The following FLT3 variants were observed in gnomAD, a reference collection of about 807,000 sequenced individuals.
FLT3 encodes the protein fms related receptor tyrosine kinase 3.
Under a neutral mutation model 126.6 loss-of-function variants are expected in FLT3, and 46 were observed. The observed-to-expected ratio is 0.36, with a 90% CI of 0.29 to 0.46. The LOEUF (loss-of-function observed/expected upper bound fraction) is 0.46, where lower values mean the gene tolerates loss of function less well. Among genes scored for constraint, FLT3 ranks in the 20% least tolerant of loss-of-function variants. The pLI is 1.00. For synonymous variants in FLT3, 404 were observed against 434.4 expected (o/e 0.93, Z 0.87); for missense variants, 1,069 against 1,190.3 (o/e 0.90, Z 1.50).
intron 1 of FLT3, among the ~76,000 whole-genome samples, chr13:28,082,747 A>G (rs892417927): frequency 3.3e-5 from 5 of 151,936 alleles, no homozygotes; most frequent in African/African-American, 1.2e-4. Context: ...TCTGTCGCCC[A>G]GGCTGGAGTG....
chr13:28,043,195 T>A lies in FLT3; in HGVS notation c.1205+5080A>T, dbSNP rs868118457. Among the ~76,000 whole-genome samples, 1,501 of 152,288 alleles carry A rather than the reference T, an allele frequency of 9.9e-3. 24 individuals are homozygous for A. The highest frequency in any genetic ancestry group is 0.032 in the African/African-American group (1,346 of 41,572). Reference sequence around the variant, plus strand: ...TAATTACAACAGTCCTATTCCTTTTTTTTTTTCCCATAAAAGTGGAAAAAG... The same window carrying A: ...TAATTACAACAGTCCTATTCCTTTTATTTTTTCCCATAAAAGTGGAAAAAG... On this transcript the variant is annotated intron_variant, in intron 9 of 23. Transcript: ENST00000241453.
intron 19 of FLT3, among the ~76,000 whole-genome samples, chr13:28,021,664 T>G (rs1453261033): frequency 6.6e-6 from 1 of 152,186 alleles, no homozygotes; most frequent in Non-Finnish European, 1.5e-5. Flanking sequence ...CATTGCAGCC[T>G]GGAACTCTTG....
rs766824698 is a variant in FLT3 at position 28,023,437 on chromosome 13, C to CTCT, written c.2328_2330dup (p.Glu778dup). 1 of 1,613,792 alleles carries CTCT rather than the reference C, an allele frequency of 6.2e-7. No homozygotes were observed. The highest frequency in any genetic ancestry group is 1.3e-5 in the African/African-American group (1 of 74,938). On this transcript the variant is annotated inframe_insertion, in exon 19 of 24. Transcript: ENST00000241453. ...CAAATGTAAGCACATTCAAGTCCTCCTCTTCTTCCAGCCTTTTTTGGTTTT... is the reference window on the plus strand; with the variant it reads ...CAAATGTAAGCACATTCAAGTCCTCCTCTTCTTCTTCCAGCCTTTTTTGGTTTT...
At chr13:28,041,380 G>GA (rs1409215250) in intron 9 of FLT3, among the ~76,000 whole-genome samples, 2 of 152,158 alleles carry the variant, frequency 1.3e-5, no homozygotes, top group Non-Finnish European at 2.9e-5. Flanking sequence ...CAATTCAGTG[G>GA]AAAAAGAAAT....
chr13:28,022,592 A>C (rs1251953515), intron 19 of FLT3, among the ~76,000 whole-genome samples: 1 of 152,128 alleles, frequency 6.6e-6, no homozygotes, highest in Non-Finnish European at 1.5e-5. Context: ...GAGAAGAGGC[A>C]AGGGGAAGGA....
At chr13:28,073,018 C>A (rs1248200318) in intron 1 of FLT3, among the ~76,000 whole-genome samples, 9 of 149,022 alleles carry the variant, frequency 6.0e-5, no homozygotes, top group Non-Finnish European at 1.3e-4. Context: ...AAAAAAAAAA[C>A]AACAACAACA....
At chr13:28,077,447 C>T (rs920370813) in intron 1 of FLT3, among the ~76,000 whole-genome samples, 16 of 152,090 alleles carry the variant, frequency 1.1e-4, no homozygotes, top group African/African-American at 1.7e-4. Context: ...CATCAGATCT[C>T]GTGAGACTTA....
rs747273765 is a variant in FLT3 at position 28,048,396 on chromosome 13, C to A, written c.1084G>T (p.Asp362Tyr). 1.9e-6 allele frequency: 3 copies of A among 1,611,194 alleles called. No individual in the cohort carries two copies. The highest frequency in any genetic ancestry group is 1.7e-5 in the Admixed American group (1 of 59,984). Residue 362 changes from aspartate to tyrosine, a missense_variant, in exon 9 of 24, where the codon GAC (aspartate) becomes TAC (tyrosine). By Grantham distance (160) the Asp-to-Tyr change is radical (BLOSUM62 -3). Transcript: ENST00000241453. ...ATNSSEDYEI[D>Y]QYEEFCFSVR... ...GAAAAACAAAACTCTTCATATTGGT[C>A]AATTTCATAATCTTCACTTGAATTG...
Position 28,050,228 on chromosome 13 carries a change from A to T in FLT3, c.615-6T>A. 6.2e-7 allele frequency: 1 copy of T among 1,613,648 alleles called. No individual in the cohort carries two copies. Among genetic ancestry groups the T allele is most frequent in the African/African-American group, 1.3e-5 (1 of 75,020 alleles). ...CTGGACTTTCTTCTTTACAGCTGCA[A>T]TTAGAAAAGAAGTACCATTTGGCTA... is the stretch of plus-strand genomic sequence containing the variant. On this transcript the variant is annotated splice_region_variant and splice_polypyrimidine_tract_variant and intron_variant, in intron 5 of 23. Transcript: ENST00000241453.
At chr13:28,093,751 T>G (rs1254251124) in intron 1 of FLT3, among the ~76,000 whole-genome samples, 1 of 152,208 alleles carries the variant, frequency 6.6e-6, no homozygotes, top group Non-Finnish European at 1.5e-5. Flanking sequence ...TCAGCCACTG[T>G]GCATATTTCT....
intron 1 of FLT3, among the ~76,000 whole-genome samples, chr13:28,090,041 G>A (rs7325615): frequency 0.58 from 88,217 of 150,930 alleles, 26,045 homozygotes; most frequent in East Asian, 0.73. Context: ...GCGCCCCGCC[G>A]TGAGGGAACT....
intron 23 of FLT3, among the ~76,000 whole-genome samples, chr13:28,009,872 TAAAAC>T (rs1871215743): frequency 6.6e-6 from 1 of 152,090 alleles, no homozygotes; most frequent in South Asian, 2.1e-4. Context: ...TCCCTTCTCT[TAAAAC>T]AAAACAAACT....
intron 1 of FLT3, among the ~76,000 whole-genome samples, chr13:28,071,361 C>G (rs1460626772): frequency 6.6e-6 from 1 of 151,884 alleles, no homozygotes; most frequent in Non-Finnish European, 1.5e-5. Context: ...TTCTTTGAAA[C>G]CACAGCACTA....
chr13:28,080,546 G>A (rs907426811), intron 1 of FLT3, among the ~76,000 whole-genome samples: 6 of 152,150 alleles, frequency 3.9e-5, no homozygotes, highest in African/African-American at 1.2e-4. Context: ...GTTTTGAGAG[G>A]TTAAAATTAT....
At chr13:28,029,000 T>A (rs1181394400) in intron 15 of FLT3, among the ~76,000 whole-genome samples, 1 of 152,086 alleles carries the variant, frequency 6.6e-6, no homozygotes, top group Non-Finnish European at 1.5e-5. Context: ...CAGGCTGGTC[T>A]TGAACTCCTA....
intron 15 of FLT3, among the ~76,000 whole-genome samples, chr13:28,032,345 T>C (rs1057508826): frequency 2.0e-5 from 3 of 151,990 alleles, no homozygotes; most frequent in Non-Finnish European, 4.4e-5. Context: ...CTGTGTTGAG[T>C]GTGTGGAGCG....
chr13:28,035,902 T>C (rs765554376), intron 11 of FLT3, 33 bp downstream of exon 11: 4 of 1,502,222 alleles, frequency 2.7e-6, no homozygotes, highest in Non-Finnish European at 3.7e-6. Context: ...TTTTATGTTC[T>C]TCCATTATAA....
rs2137844628 is a variant in FLT3 at position 28,100,507 on chromosome 13, G to A, written c.4C>T (p.Pro2Ser). 1 of 1,216,090 alleles carries A rather than the reference G, an allele frequency of 8.2e-7. No individual in the cohort carries two copies. The highest frequency in any genetic ancestry group is 1.0e-6 in the Non-Finnish European group (1 of 977,910). 75.3% of individuals were successfully genotyped at this position (1,216,090 alleles called of 1,614,324 possible). ...TGGCCGCCGTCGCGCGCCAACGCCG[G>A]CATGGCCTCCGGAGCCCGGGGTCCC... is the stretch of plus-strand genomic sequence containing the variant. M[P>S]ALARDGGQLP... Residue 2 changes from proline (P) to serine (S), a missense_variant, in exon 1 of 24, where the codon CCG becomes TCG. Coordinates refer to ENST00000241453, the MANE Select transcript of FLT3 (RefSeq NM_004119.3). The surrounding 1 kb of genome is among the most constrained non-coding windows in gnomAD (Gnocchi z 4.8).
intron 1 of FLT3, among the ~76,000 whole-genome samples, chr13:28,074,517 T>G (rs897383360): frequency 6.6e-6 from 1 of 152,230 alleles, no homozygotes; most frequent in South Asian, 2.1e-4. Flanking sequence ...AGAGCTTTTA[T>G]GTTCCCACTC....
Sources: gnomAD v4.1 joint callset for allele counts (sites outside exome capture counted in the v4.1 genomes callset) on GRCh38, gnomAD v4.1.1 for gene constraint, Gnocchi (gnomAD v3.1) non-coding constraint, MANE v1.5 for transcripts, NCBI Gene and HGNC (gene_info 2026-07-23, HGNC 2026-07-21) for gene names.